AIMP1: variants seen among roughly 807,000 people sequenced by gnomAD.
AIMP1 encodes aminoacyl tRNA synthetase complex interacting multifunctional protein 1, also known as aminoacyl tRNA synthase complex-interacting multifunctional protein 1.
In AIMP1, 24 loss-of-function variants were observed where a neutral mutation model predicts 33.1. That is an observed-to-expected ratio of 0.73 (90% CI 0.53 to 1.02). The LOEUF is 1.02. Among genes scored for constraint, AIMP1 ranks in the 50% least tolerant of loss-of-function variants. The pLI is 0.00. For missense variants in AIMP1, 367 were observed against 364.8 expected (o/e 1.01, Z -0.05); for synonymous variants, 120 against 121.5 (o/e 0.99, Z 0.08).
At chr4:106,318,781 G>A (rs1313618191) in intron 1 of AIMP1, among the ~76,000 whole-genome samples, 1 of 152,102 alleles carries the variant, frequency 6.6e-6, no homozygotes, top group Admixed American at 6.6e-5. Flanking sequence ...AGATCATTTA[G>A]AAGATTATGA....
At chr4:106,341,121 A>G (rs368991776) in intron 6 of AIMP1, among the ~76,000 whole-genome samples, 12 of 152,090 alleles carry the variant, frequency 7.9e-5, no homozygotes, top group African/African-American at 2.7e-4. Context: ...TTGCTTGTTG[A>G]ATTAAGTTCC....
At position 106,316,578 on chromosome 4, in the gene AIMP1, G is replaced by T; in HGVS notation, c.-42G>T. On this transcript the variant is annotated 5_prime_UTR_variant, in exon 1 of 7. Transcript: ENST00000672341. ...TCCTGCTGTGGCTGTCTCGGAACCC[G>T]TGGTCCTCCGCTTCATGTGAGTGAC... is the stretch of plus-strand genomic sequence containing the variant. 1 of 1,551,614 alleles carries T rather than the reference G, an allele frequency of 6.4e-7. No individual in the cohort carries two copies. Among genetic ancestry groups the T allele is most frequent in the South Asian group, 1.2e-5 (1 of 84,056 alleles).
At chr4:106,327,357 C>G (rs986390092) in intron 2 of AIMP1, 94 bp from the exon 3 acceptor site, 1 of 887,632 alleles carries the variant, frequency 1.1e-6, no homozygotes, top group Non-Finnish European at 1.8e-6. Context: ...TAGTATTATC[C>G]TAGCTGTAGT....
intron 2 of AIMP1, among the ~76,000 whole-genome samples, chr4:106,327,191 G>C (rs1769484667): frequency 6.6e-6 from 1 of 152,122 alleles, no homozygotes. Flanking sequence ...CATCTTAATA[G>C]GAGCTAGGAA....
At chr4:106,323,814 T>C (rs1330195589) in intron 1 of AIMP1, among the ~76,000 whole-genome samples, 1 of 152,088 alleles carries the variant, frequency 6.6e-6, no homozygotes, top group Non-Finnish European at 1.5e-5. Flanking sequence ...ATTTGATGAA[T>C]AATACTAAAA....
intron 3 of AIMP1, 55 bp downstream of exon 3, chr4:106,327,619 C>CACCAA: frequency 7.9e-7 from 1 of 1,272,946 alleles, no homozygotes; most frequent in South Asian, 1.2e-5. Context: ...TGGCCAGTCA[C>CACCAA]ACCAACAGTG....
chr4:106,319,611 C>G (rs1189094042), intron 1 of AIMP1, among the ~76,000 whole-genome samples: 1 of 152,156 alleles, frequency 6.6e-6, no homozygotes, highest in African/African-American at 2.4e-5. Flanking sequence ...TCTTGATCCT[C>G]ACCAAACACA....
chr4:106,338,621 A>C (rs1187301029), intron 6 of AIMP1, among the ~76,000 whole-genome samples: 1 of 152,208 alleles, frequency 6.6e-6, no homozygotes, highest in Admixed American at 6.5e-5. Context: ...AATTTGCTCT[A>C]GGGGCAGGGC....
intron 5 of AIMP1, among the ~76,000 whole-genome samples, chr4:106,335,441 TA>T (rs932984835): frequency 3.9e-4 from 57 of 146,184 alleles, no homozygotes; most frequent in Non-Finnish European, 4.4e-4. Context: ...AAATAAAAGT[TA>T]AAAAAAAAAA....
chr4:106,320,747 G>GCCCTCTCCCTCT (rs967401757), intron 1 of AIMP1, among the ~76,000 whole-genome samples: 1 of 151,882 alleles, frequency 6.6e-6, no homozygotes, highest in Admixed American at 6.6e-5. Flanking sequence ...GAAAAGTATA[G>GCCCTCTCCCTCT]CCCTCTCCCT....
intron 6 of AIMP1, among the ~76,000 whole-genome samples, chr4:106,339,635 A>G (rs1180434325): frequency 2.0e-5 from 3 of 152,198 alleles, no homozygotes; most frequent in Non-Finnish European, 4.4e-5. Context: ...CTAACAGAAC[A>G]CCACAGAGAG....
At chr4:106,331,932 T>TC in intron 5 of AIMP1, 49 bp downstream of exon 5, 1 of 1,500,158 alleles carries the variant, frequency 6.7e-7, no homozygotes, top group Non-Finnish European at 9.3e-7. Flanking sequence ...ACATTTTCAT[T>TC]CCCTCCTTCT....
chr4:106,322,574 T>A (rs1486316307), intron 1 of AIMP1, among the ~76,000 whole-genome samples: 1 of 152,228 alleles, frequency 6.6e-6, no homozygotes, highest in East Asian at 1.9e-4. Flanking sequence ...CACAGTTCTG[T>A]TAACACACAG....
intron 4 of AIMP1, 67 bp downstream of exon 4, chr4:106,328,310 T>A: frequency 6.7e-7 from 1 of 1,501,928 alleles, no homozygotes; most frequent in Non-Finnish European, 9.0e-7. Context: ...GTTTTGATAA[T>A]GATAATAATA....
chr4:106,343,228 T>C (rs1770167937), intron 6 of AIMP1, among the ~76,000 whole-genome samples: 1 of 152,216 alleles, frequency 6.6e-6, no homozygotes, highest in Admixed American at 6.5e-5. Flanking sequence ...TTTTTAATAG[T>C]CTCTGAGGTT....
chr4:106,346,146 T>C (rs1325632481), intron 6 of AIMP1, among the ~76,000 whole-genome samples: 2 of 152,048 alleles, frequency 1.3e-5, no homozygotes, highest in Non-Finnish European at 2.9e-5. Flanking sequence ...ATTCTAAATA[T>C]TGAACATTCT....
chr4:106,339,247 C>T (rs1248548955), intron 6 of AIMP1, among the ~76,000 whole-genome samples: 3 of 152,110 alleles, frequency 2.0e-5, no homozygotes, highest in Non-Finnish European at 4.4e-5. Flanking sequence ...AATGTGAGGA[C>T]ATGAGATTTG....
rs985945495 is a variant in AIMP1 at position 106,319,683 on chromosome 4, A to G, written c.-26+3089A>G. 2.6e-5 allele frequency among the ~76,000 whole-genome samples: 4 copies of G among 152,188 alleles called. No homozygotes were observed. In the East Asian group the frequency reaches 7.7e-4, roughly 29 times the overall value. ...TCTTCATAAATGTTTTATATTTTCA[A>G]TTACTGTGCATGTCATTCTTATATC... On this transcript the variant is annotated intron_variant, in intron 1 of 6. Coordinates refer to ENST00000672341, the MANE Select transcript of AIMP1 (RefSeq NM_001142416.2).
chr4:106,334,130 C>G (rs1014633524), intron 5 of AIMP1, among the ~76,000 whole-genome samples: 2 of 152,144 alleles, frequency 1.3e-5, no homozygotes, highest in African/African-American at 4.8e-5. Context: ...TATTGCTACT[C>G]TGCTGCTTGT....
Sources: gnomAD v4.1 joint callset for allele counts (sites outside exome capture counted in the v4.1 genomes callset) on GRCh38, gnomAD v4.1.1 for gene constraint, MANE v1.5 for transcripts, NCBI Gene and HGNC (gene_info 2026-07-23, HGNC 2026-07-21) for gene names.